NELL1: variants seen among roughly 807,000 people sequenced by gnomAD.
NELL1 encodes protein kinase C-binding protein NELL1.
Under a neutral mutation model 107.4 loss-of-function variants are expected in NELL1, and 76 were observed. The ratio of observed to expected loss-of-function variants is 0.71; its 90% CI spans 0.59 to 0.86. The LOEUF (loss-of-function observed/expected upper bound fraction) is 0.86, where lower values mean the gene tolerates loss of function less well. NELL1 is among the 40% of genes least tolerant of loss of function. The probability of loss-of-function intolerance (pLI) is 0.00; values close to 1 mark genes in which losing one functional copy is unlikely to be tolerated. For synonymous variants in NELL1, 353 were observed against 341.2 expected, an observed-to-expected ratio of 1.03 and a Z score of -0.38; for missense variants, 1,024 against 1,005.5, an observed-to-expected ratio of 1.02 and a Z score of -0.25.
intron 12 of NELL1, among the ~76,000 whole-genome samples, chr11:20,986,885 A>G (rs1404088629): frequency 6.6e-6 from 1 of 152,204 alleles, no homozygotes. Context: ...CAATTTTATA[A>G]TCTTCACTTA....
intron 13 of NELL1, among the ~76,000 whole-genome samples, chr11:21,179,029 T>G (rs1310141067): frequency 6.6e-6 from 1 of 151,700 alleles, no homozygotes; most frequent in Admixed American, 6.6e-5. Context: ...TTAAAAAACT[T>G]TTTCGAATGA....
intron 14 of NELL1, among the ~76,000 whole-genome samples, chr11:21,305,682 CAG>C (rs2133633255): frequency 6.6e-6 from 1 of 151,844 alleles, no homozygotes; most frequent in South Asian, 2.1e-4. Flanking sequence ...CATATCTAGA[CAG>C]TATAGATTCT....
chr11:20,826,375 G>A (rs1857884464), intron 3 of NELL1, among the ~76,000 whole-genome samples: 1 of 151,186 alleles, frequency 6.6e-6, no homozygotes, highest in South Asian at 2.1e-4. Flanking sequence ...CTCCTTACAT[G>A]CATTACTTTC....
chr11:20,741,397 G>A (rs1031061308), intron 2 of NELL1, among the ~76,000 whole-genome samples: 7 of 152,024 alleles, frequency 4.6e-5, no homozygotes, highest in Middle Eastern at 3.2e-3. Context: ...TGGCAGAAGG[G>A]CTTCTATTCA....
At chr11:21,354,169 G>C (rs754539874) in intron 14 of NELL1, among the ~76,000 whole-genome samples, 2 of 152,076 alleles carry the variant, frequency 1.3e-5, no homozygotes, top group African/African-American at 4.8e-5. Flanking sequence ...AGATTTGTGC[G>C]AGGCTCCCCA....
At chr11:20,814,162 A>G (rs925802112) in intron 3 of NELL1, among the ~76,000 whole-genome samples, 6 of 151,666 alleles carry the variant, frequency 4.0e-5, no homozygotes, top group African/African-American at 1.5e-4. Flanking sequence ...CGCCCGGCTA[A>G]TTTTTGCATT....
chr11:21,234,843 T>G (rs1399090082), intron 14 of NELL1, among the ~76,000 whole-genome samples: 2 of 152,084 alleles, frequency 1.3e-5, no homozygotes, highest in African/African-American at 4.8e-5. Context: ...AATCCTGAAT[T>G]AAATAAGTCA....
intron 14 of NELL1, among the ~76,000 whole-genome samples, chr11:21,254,607 GT>G (rs1858723551): frequency 6.6e-6 from 1 of 152,032 alleles, no homozygotes; most frequent in African/African-American, 2.4e-5. Context: ...GGAAATTCGT[GT>G]TTGTCTACCA....
At chr11:20,739,879 C>T (rs1050558781) in intron 2 of NELL1, among the ~76,000 whole-genome samples, 1 of 152,170 alleles carries the variant, frequency 6.6e-6, no homozygotes, top group Admixed American at 6.5e-5. Context: ...CACTCAGAGA[C>T]ATGCAACAAA....
chr11:21,486,368 A>G (rs1005485171), intron 15 of NELL1, among the ~76,000 whole-genome samples: 3 of 152,186 alleles, frequency 2.0e-5, no homozygotes, highest in East Asian at 1.9e-4. Flanking sequence ...GATATCACCA[A>G]TGCTGCTTAT....
chr11:21,317,319 A>C (rs1849900305), intron 14 of NELL1, among the ~76,000 whole-genome samples: 1 of 114,198 alleles, frequency 8.8e-6, no homozygotes, highest in Non-Finnish European at 1.9e-5. Context: ...ACTTATTAAT[A>C]ATGCTGCTGT....
intron 3 of NELL1, among the ~76,000 whole-genome samples, chr11:20,789,740 A>C (rs1354760485): frequency 1.3e-5 from 2 of 152,222 alleles, no homozygotes; most frequent in Non-Finnish European, 2.9e-5. Flanking sequence ...CCACAGGAGT[A>C]GCTCCTTTCC....
chr11:21,166,779 T>G (rs1254730796), intron 13 of NELL1, among the ~76,000 whole-genome samples: 1 of 151,830 alleles, frequency 6.6e-6, no homozygotes, highest in African/African-American at 2.4e-5. Flanking sequence ...CTAAAACAAA[T>G]AATAAATGTA....
At chr11:21,477,546 A>C (rs1328919090) in intron 15 of NELL1, among the ~76,000 whole-genome samples, 1 of 152,166 alleles carries the variant, frequency 6.6e-6, no homozygotes, top group African/African-American at 2.4e-5. Flanking sequence ...ACAACACCCC[A>C]GTCCCTTCAA....
chr11:20,744,826 G>A (rs1255758693), intron 2 of NELL1, among the ~76,000 whole-genome samples: 1 of 152,210 alleles, frequency 6.6e-6, no homozygotes, highest in Non-Finnish European at 1.5e-5. Flanking sequence ...TATATTTGCT[G>A]AATGACAGTC....
At chr11:20,756,097 G>A (rs1437245183) in intron 2 of NELL1, among the ~76,000 whole-genome samples, 2 of 150,070 alleles carry the variant, frequency 1.3e-5, no homozygotes, top group Admixed American at 6.6e-5. Context: ...TTTCACCGTG[G>A]TCTCGATCTC....
chr11:20,882,549 A>C (rs1463656098), intron 4 of NELL1, among the ~76,000 whole-genome samples: 1 of 152,212 alleles, frequency 6.6e-6, no homozygotes. Context: ...GTATACTTAT[A>C]TATACAAACA....
intron 5 of NELL1, among the ~76,000 whole-genome samples, chr11:20,917,592 C>A (rs1441434368): frequency 6.6e-6 from 1 of 151,872 alleles, no homozygotes; most frequent in Non-Finnish European, 1.5e-5. Flanking sequence ...TCAATATTTT[C>A]ATTGAGAGAT....
chr11:21,402,650 T>C lies in NELL1; in HGVS notation c.1645+31702T>C, dbSNP rs1852125917. ...AGAAATCTAGATCCTTTTCTTTTTT[T>C]TTTTTTTTAAACAAAATTCACCTTT... On this transcript the variant is annotated intron_variant, in intron 15 of 19. Transcript: ENST00000357134. Among the ~76,000 whole-genome samples, 3 of 151,766 alleles carry C rather than the reference T, an allele frequency of 2.0e-5. No individual in the cohort carries two copies. The South Asian group carries it at 6.2e-4, about 31-fold the overall frequency.
Sources: gnomAD v4.1 joint callset for allele counts (sites outside exome capture counted in the v4.1 genomes callset) on GRCh38, gnomAD v4.1.1 for gene constraint, MANE v1.5 for transcripts, NCBI Gene and HGNC (gene_info 2026-07-23, HGNC 2026-07-21) for gene names.